Variants in SLC16A2 observed in about 807,000 individuals in gnomAD.
The protein encoded by SLC16A2 is monocarboxylate transporter 8.
Under a neutral mutation model 27.2 loss-of-function variants are expected in SLC16A2, and 3 were observed. The observed-to-expected ratio is 0.11, with a 90% CI of 0.05 to 0.28. The LOEUF is 0.28. Ranked by LOEUF, SLC16A2 falls within the 10% of genes least tolerant of loss-of-function variation. The probability of loss-of-function intolerance (pLI) is 1.00; values close to 1 mark genes in which losing one functional copy is unlikely to be tolerated. For synonymous variants in SLC16A2, 202 were observed against 187.8 expected (o/e 1.08, Z -0.62); for missense variants, 295 against 458.5 (o/e 0.64, Z 3.26).
chrX:74,462,318 G>GTGTT (rs766098031), intron 1 of SLC16A2, among the ~76,000 whole-genome samples: 4 of 111,446 alleles, frequency 3.6e-5, no homozygotes, highest in Non-Finnish European at 5.7e-5. Flanking sequence ...TTATAGTTTG[G>GTGTT]TGTTTGTTTG....
intron 1 of SLC16A2, among the ~76,000 whole-genome samples, chrX:74,477,328 C>A (rs1204615020): frequency 9.0e-6 from 1 of 110,893 alleles, no homozygotes; most frequent in Non-Finnish European, 1.9e-5. Flanking sequence ...TGGTGATATC[C>A]CCTTTATCAT....
At chrX:74,499,906 G>T in intron 1 of SLC16A2, among the ~76,000 whole-genome samples, 1 of 111,427 alleles carries the variant, frequency 9.0e-6, no homozygotes, top group East Asian at 2.8e-4. Flanking sequence ...AGTGACCAAA[G>T]GTACTCTCTT....
At chrX:74,503,281 C>CT (rs1372146425) in intron 1 of SLC16A2, among the ~76,000 whole-genome samples, 1 of 111,134 alleles carries the variant, frequency 9.0e-6, no homozygotes, top group Non-Finnish European at 1.9e-5. Flanking sequence ...GACTAGGTTT[C>CT]TTTTTTCTGA....
At chrX:74,528,015 T>C (rs1468770251) in intron 4 of SLC16A2, among the ~76,000 whole-genome samples, 1 of 112,042 alleles carries the variant, frequency 8.9e-6, no homozygotes, top group Non-Finnish European at 1.9e-5. Flanking sequence ...GATGGCATTA[T>C]CCTCTCCAAA....
At position 74,531,440 on chromosome X, in the gene SLC16A2, A is replaced by C; in HGVS notation, c.1507A>C (p.Arg503=). The C allele has an allele frequency of 8.3e-7, 1 of 1,211,031 alleles. No homozygotes were observed. The highest frequency in any genetic ancestry group is 1.1e-6 in the Non-Finnish European group (1 of 894,748). The part of the protein sequence containing the change: ...ILFFVPLMHQ[R]MFKKEQRDSS... ...CTTCTTCGTCCCTCTGATGCATCAA[A>C]GGATGTTCAAGAAAGAGCAGAGAGA... is the stretch of plus-strand genomic sequence containing the variant. Residue 503 remains arginine, a synonymous_variant, in exon 6 of 6, where the codon AGG becomes CGG. Coordinates refer to ENST00000587091, the MANE Select transcript of SLC16A2 (RefSeq NM_006517.5).
intron 1 of SLC16A2, among the ~76,000 whole-genome samples, chrX:74,463,151 A>G (rs1929185675): frequency 1.8e-5 from 2 of 111,075 alleles, no homozygotes; most frequent in African/African-American, 6.5e-5. Context: ...AGAAATGAGA[A>G]AAAAAAAATC....
chrX:74,492,631 A>T (rs1007065042), intron 1 of SLC16A2, among the ~76,000 whole-genome samples: 2 of 110,828 alleles, frequency 1.8e-5, no homozygotes, highest in African/African-American at 3.3e-5. Context: ...GGTTTTGCAA[A>T]GGAGCAGAAT....
At chrX:74,492,182 C>A (rs766473076) in intron 1 of SLC16A2, among the ~76,000 whole-genome samples, 10 of 111,396 alleles carry the variant, frequency 9.0e-5, no homozygotes, top group Admixed American at 1.9e-4. Context: ...CTGAGTCTTG[C>A]CCCTAAGAGT....
chrX:74,523,576 T>C (rs747292272), intron 2 of SLC16A2, among the ~76,000 whole-genome samples: 1 of 111,954 alleles, frequency 8.9e-6, no homozygotes, highest in East Asian at 2.8e-4. Flanking sequence ...GCAGGGCCTA[T>C]GAGTTTTAAG....
intron 1 of SLC16A2, among the ~76,000 whole-genome samples, chrX:74,447,726 C>A (rs757218411): frequency 9.2e-6 from 1 of 108,172 alleles, no homozygotes; most frequent in African/African-American, 3.4e-5. Context: ...TGCCTGCAAT[C>A]CCAGCACTCT....
At chrX:74,428,286 G>T (rs1480218748) in intron 1 of SLC16A2, among the ~76,000 whole-genome samples, 1 of 110,880 alleles carries the variant, frequency 9.0e-6, no homozygotes, top group African/African-American at 3.3e-5. Flanking sequence ...GATGGGGAAT[G>T]TGGCCTGTTT....
chrX:74,422,066 A>G lies in SLC16A2; in HGVS notation c.429A>G (p.Ala143=). 8.3e-7 allele frequency: 1 copy of G among 1,207,618 alleles called. No homozygotes were observed. Among genetic ancestry groups the G allele is most frequent in the Non-Finnish European group, 1.1e-6 (1 of 893,866 alleles). ...AAAATCGCCAAGTGGAGTTCCAAGC[A>G]GGTGAGTGGCCCCGCACGCCCCACT... ...KEKNRQVEFQ[A]AWVGALAMGM... The change falls in exon 1 of 6, where the codon GCA becomes GCG. Residue 143 remains alanine (A), a splice_region_variant and synonymous_variant. Coordinates refer to ENST00000587091, the MANE Select transcript of SLC16A2 (RefSeq NM_006517.5).
chrX:74,444,142 G>A (rs976217551), intron 1 of SLC16A2, among the ~76,000 whole-genome samples: 2 of 111,204 alleles, frequency 1.8e-5, no homozygotes, highest in Admixed American at 1.9e-4. Flanking sequence ...CCCCTGAGTA[G>A]CACTTAGAAA....
chrX:74,453,166 C>T (rs1027784164), intron 1 of SLC16A2, among the ~76,000 whole-genome samples: 2 of 109,179 alleles, frequency 1.8e-5, no homozygotes, highest in East Asian at 2.9e-4. Context: ...CTCAGCCTCC[C>T]GAGTAGCTGG....
chrX:74,427,782 CAA>C (rs1928428453), intron 1 of SLC16A2, among the ~76,000 whole-genome samples: 3 of 101,953 alleles, frequency 2.9e-5, no homozygotes, highest in South Asian at 5.1e-4. Flanking sequence ...CACATGTGCG[CAA>C]GCGCATGCGC....
rs747436296 is a variant in SLC16A2, at chrX:74,521,096, C to T, written c.537C>T (p.Ala179=). 93 of 1,210,284 alleles carry T rather than the reference C, an allele frequency of 7.7e-5. No individual in the cohort carries two copies. Among genetic ancestry groups the T allele is most frequent in the Non-Finnish European group, 1.0e-4 (91 of 895,218 alleles). Reference sequence around the variant, plus strand: ...GAATCACAGCAACCGCGGGGGCTGCCGTTGCTTTCATTGGCCTCCATACCA... The same window carrying T: ...GAATCACAGCAACCGCGGGGGCTGCTGTTGCTTTCATTGGCCTCCATACCA... ...GCRITATAGA[A]VAFIGLHTSS... Residue 179 remains alanine, a synonymous_variant, in exon 2 of 6, where the codon GCC becomes GCT. Coordinates refer to ENST00000587091, the MANE Select transcript of SLC16A2 (RefSeq NM_006517.5).
At chrX:74,515,647 GCA>G (rs751936813) in intron 1 of SLC16A2, among the ~76,000 whole-genome samples, 75 of 106,660 alleles carry the variant, frequency 7.0e-4, no homozygotes, top group Admixed American at 3.7e-3. Context: ...GCACGTGCAT[GCA>G]CACACACACA....
chrX:74,498,978 C>T (rs1929982615), intron 1 of SLC16A2, among the ~76,000 whole-genome samples: 1 of 111,901 alleles, frequency 8.9e-6, no homozygotes, highest in Non-Finnish European at 1.9e-5. Context: ...CAGGGTTCCA[C>T]CTCCCTTCTC....
At chrX:74,442,836 A>G (rs780896206) in intron 1 of SLC16A2, among the ~76,000 whole-genome samples, 31 of 111,843 alleles carry the variant, frequency 2.8e-4, no homozygotes, top group Non-Finnish European at 9.4e-5. Flanking sequence ...ACACGCATGT[A>G]GTCCCAGCTA....
Sources: allele counts gnomAD v4.1 joint callset (sites outside exome capture counted in the v4.1 genomes callset), GRCh38; gene constraint gnomAD v4.1.1; transcripts MANE v1.5; gene names NCBI Gene and HGNC (gene_info 2026-07-23, HGNC 2026-07-21).